Variants in EPHA6 observed in about 807,000 individuals in gnomAD.
The protein encoded by EPHA6 is ephrin type-A receptor 6.
A neutral mutation model predicts 112.0 loss-of-function variants in EPHA6; 50 were observed. The observed-to-expected ratio is 0.45, with a 90% CI of 0.36 to 0.56. The LOEUF (loss-of-function observed/expected upper bound fraction) is 0.56. EPHA6 is among the 20% of genes least tolerant of loss of function. The pLI, the probability that EPHA6 is intolerant of heterozygous loss-of-function variation, is 0.00. For missense variants in EPHA6, 1,280 were observed against 1,417.4 expected (o/e 0.90, Z 1.56); for synonymous variants, 529 against 490.7 (o/e 1.08, Z -1.03).
At chr3:97,119,249 T>C (rs2047977110) in intron 3 of EPHA6, among the ~76,000 whole-genome samples, 1 of 152,054 alleles carries the variant, frequency 6.6e-6, no homozygotes, top group Non-Finnish European at 1.5e-5. Context: ...CTCATTACTC[T>C]GCACACTTCA....
chr3:97,096,389 A>T (rs912238728), intron 3 of EPHA6, among the ~76,000 whole-genome samples: 1 of 151,888 alleles, frequency 6.6e-6, no homozygotes, highest in East Asian at 1.9e-4. Flanking sequence ...GTTTAGAAGT[A>T]TATTATTGTA....
At chr3:97,421,146 A>T (rs1480182173) in intron 6 of EPHA6, among the ~76,000 whole-genome samples, 2 of 152,110 alleles carry the variant, frequency 1.3e-5, no homozygotes, top group Admixed American at 6.5e-5. Context: ...AATGTCCATT[A>T]TCAATAGTTT....
At chr3:97,719,081 CCCCCCCA>C (rs1390130279) in intron 14 of EPHA6, among the ~76,000 whole-genome samples, 18 of 34,610 alleles carry the variant, frequency 5.2e-4, no homozygotes, top group African/African-American at 2.1e-3. Flanking sequence ...CCGTTCCCGC[CCCCCCCA>C]CCCCCCCCCC....
At chr3:97,094,096 T>G (rs2108239176) in intron 3 of EPHA6, among the ~76,000 whole-genome samples, 1 of 152,296 alleles carries the variant, frequency 6.6e-6, no homozygotes, top group African/African-American at 2.4e-5. Flanking sequence ...AGGAGTTCAC[T>G]CTCTGCTATG....
At chr3:97,544,443 C>T (rs985474096) in intron 11 of EPHA6, among the ~76,000 whole-genome samples, 2 of 152,098 alleles carry the variant, frequency 1.3e-5, no homozygotes, top group African/African-American at 4.8e-5. Context: ...GGATGAAGCC[C>T]ACTTGATCAT....
At position 97,748,891 on chromosome 3, in the gene EPHA6, G is replaced by C. The variant is rs1018610171; in HGVS notation, c.*190G>C. On this transcript the variant is annotated 3_prime_UTR_variant, in exon 18 of 18. Coordinates refer to ENST00000389672, the MANE Select transcript of EPHA6 (RefSeq NM_001080448.3). ...AAATCATGCTACATAAATCCGTTCTGAATAACCTGCAACTAAAACCCTGGC... is the reference window on the plus strand; with the variant it reads ...AAATCATGCTACATAAATCCGTTCTCAATAACCTGCAACTAAAACCCTGGC... 3 of 553,024 alleles carry C rather than the reference G, an allele frequency of 5.4e-6. No homozygotes were observed. The highest frequency in any genetic ancestry group is 3.7e-5 in the African/African-American group (2 of 53,348). 34.3% of individuals were successfully genotyped at this position (553,024 alleles called of 1,614,324 possible).
intron 13 of EPHA6, among the ~76,000 whole-genome samples, chr3:97,623,109 G>A (rs1293901641): frequency 6.6e-6 from 1 of 151,648 alleles, no homozygotes; most frequent in Non-Finnish European, 1.5e-5. Context: ...TAAGTTTCAT[G>A]TGGCACAGTT....
At chr3:97,508,717 A>G (rs1487098031) in intron 10 of EPHA6, among the ~76,000 whole-genome samples, 1 of 151,938 alleles carries the variant, frequency 6.6e-6, no homozygotes, top group Non-Finnish European at 1.5e-5. Context: ...ATCCTTGTTA[A>G]TTTTCTGTCT....
chr3:97,542,921 T>C (rs1577715270), intron 11 of EPHA6, among the ~76,000 whole-genome samples: 2 of 152,202 alleles, frequency 1.3e-5, no homozygotes, highest in East Asian at 1.9e-4. Context: ...TCATATCCTT[T>C]GCCCACTTTT....
chr3:97,532,408 G>A lies in EPHA6; in HGVS notation c.2251G>A (p.Glu751Lys). Reference protein sequence around the residue: ...SGRLKTPGKREIPVAIKTLKG... With the variant: ...SGRLKTPGKRKIPVAIKTLKG... ...GCGTTTGAAGACACCAGGGAAAAGA[G>A]AGATCCCAGTTGCCATTAAAACTTT... The change falls in exon 11 of 18, where the codon GAG becomes AAG. Residue 751 changes from glutamate (E) to lysine (K), a missense_variant. This residue lies in a region of EPHA6 where 878 missense variants were observed against 999.7 expected (regional missense o/e 0.88). Coordinates refer to ENST00000389672, the MANE Select transcript of EPHA6 (RefSeq NM_001080448.3). 1.2e-6 allele frequency: 2 copies of A among 1,612,558 alleles called. No individual in the cohort carries two copies. Among genetic ancestry groups the A allele is most frequent in the Admixed American group, 1.7e-5 (1 of 59,904 alleles).
At chr3:97,209,227 T>C (rs2077798474) in intron 3 of EPHA6, among the ~76,000 whole-genome samples, 1 of 152,106 alleles carries the variant, frequency 6.6e-6, no homozygotes, top group African/African-American at 2.4e-5. Flanking sequence ...TGAGGATGCA[T>C]ATGATAATTG....
In EPHA6 at chr3:97,182,316, TTTA is replaced by T. The variant is rs1457689884; in HGVS notation, c.1115-43940_1115-43938del. Among the ~76,000 whole-genome samples, 12 of 149,130 alleles carry T rather than the reference TTTA, an allele frequency of 8.0e-5. No homozygotes were observed. In the East Asian group the frequency reaches 1.8e-3, roughly 22 times the overall value. ...CAGAATGTTGACTTTTATCCACAAATTTATTATTATAATATTATATATAATTAT... is the reference window on the plus strand; with the variant it reads ...CAGAATGTTGACTTTTATCCACAAATTTATTATAATATTATATATAATTAT... On this transcript the variant is annotated intron_variant, in intron 3 of 17. Coordinates refer to ENST00000389672, the MANE Select transcript of EPHA6 (RefSeq NM_001080448.3).
chr3:97,429,574 T>G (rs887624239), intron 6 of EPHA6, among the ~76,000 whole-genome samples: 2 of 152,160 alleles, frequency 1.3e-5, no homozygotes, highest in Non-Finnish European at 2.9e-5. Flanking sequence ...GCCGTGAGCC[T>G]AGAGATAGAA....
At chr3:97,402,752 C>A (rs2087073118) in intron 5 of EPHA6, among the ~76,000 whole-genome samples, 1 of 152,038 alleles carries the variant, frequency 6.6e-6, no homozygotes, top group South Asian at 2.1e-4. Flanking sequence ...TATTCTAGAT[C>A]AAAAATAATG....
intron 10 of EPHA6, among the ~76,000 whole-genome samples, chr3:97,517,250 T>C (rs903608404): frequency 3.3e-5 from 5 of 152,136 alleles, no homozygotes; most frequent in Non-Finnish European, 7.4e-5. Flanking sequence ...ATTGGGTTTA[T>C]CACTTATTGA....
chr3:97,618,998 A>G (rs1383709705), intron 13 of EPHA6, among the ~76,000 whole-genome samples: 2 of 152,136 alleles, frequency 1.3e-5, no homozygotes, highest in East Asian at 1.9e-4. Flanking sequence ...CTAAACATCA[A>G]TGCAAAAATC....
At chr3:97,615,829 C>G (rs2093761026) in intron 13 of EPHA6, among the ~76,000 whole-genome samples, 1 of 152,154 alleles carries the variant, frequency 6.6e-6, no homozygotes. Context: ...TGAATTCTCC[C>G]TGGTATGGAG....
At chr3:97,338,397 C>G (rs1251278338) in intron 5 of EPHA6, among the ~76,000 whole-genome samples, 1 of 152,122 alleles carries the variant, frequency 6.6e-6, no homozygotes, top group African/African-American at 2.4e-5. Flanking sequence ...CCCTAACTCT[C>G]TGTGAGCATC....
chr3:97,329,832 T>C (rs1364935930), intron 5 of EPHA6, among the ~76,000 whole-genome samples: 2 of 151,958 alleles, frequency 1.3e-5, no homozygotes, highest in Admixed American at 6.6e-5. Flanking sequence ...TTAGATCCCA[T>C]TTGTCAATTT....
Sources: gnomAD v4.1 joint callset for allele counts (sites outside exome capture counted in the v4.1 genomes callset) on GRCh38, gnomAD v4.1.1 for gene constraint, gnomAD v4.1.1 regional missense constraint, MANE v1.5 for transcripts, NCBI Gene and HGNC (gene_info 2026-07-23, HGNC 2026-07-21) for gene names.